Variants in ADGRE5 observed in about 807,000 individuals in gnomAD.
The protein encoded by ADGRE5 is adhesion G protein-coupled receptor E5.
A neutral mutation model predicts 100.3 loss-of-function variants in ADGRE5; 72 were observed. The observed-to-expected ratio is 0.72, with a 90% CI of 0.59 to 0.87. The LOEUF (loss-of-function observed/expected upper bound fraction) is 0.87. Ranked by LOEUF, ADGRE5 falls within the 40% of genes least tolerant of loss-of-function variation. ADGRE5 has a pLI of 0.00. For missense variants in ADGRE5, 959 were observed against 1,094.7 expected (o/e 0.88, Z 1.75); for synonymous variants, 439 against 447.8 (o/e 0.98, Z 0.25).
chr19:14,402,864 T>TCTCTGCTCA lies in ADGRE5; in HGVS notation c.1449+14_1449+22dup, dbSNP rs750249643. On this transcript the variant is annotated splice_region_variant and intron_variant, in intron 12 of 19. Transcript: ENST00000242786. ...GCGGGAAGAGACCCTCCTGCCAAGGTCTCTGCTCACTCTGCTCACTTCCTC... is the reference window on the plus strand; with the variant it reads ...GCGGGAAGAGACCCTCCTGCCAAGGTCTCTGCTCACTCTGCTCACTCTGCTCACTTCCTC... The TCTCTGCTCA allele has an allele frequency of 1.2e-6, 2 of 1,613,620 alleles. No individual in the cohort carries two copies. Among genetic ancestry groups the TCTCTGCTCA allele is most frequent in the South Asian group, 1.1e-5 (1 of 91,048 alleles).
intron 1 of ADGRE5, among the ~76,000 whole-genome samples, chr19:14,383,747 C>A (rs1253413931): frequency 6.6e-6 from 1 of 151,684 alleles, no homozygotes; most frequent in African/African-American, 2.4e-5. Context: ...TGGGCAACTT[C>A]CAAGGCCCCA....
In ADGRE5 at chr19:14,401,275, C is replaced by T. The variant is rs1975997313; in HGVS notation, c.898-111C>T. 3 of 847,192 alleles carry T rather than the reference C, an allele frequency of 3.5e-6. No individual in the cohort carries two copies. In the Admixed American group the frequency reaches 8.2e-5, roughly 23 times the overall value. 52.5% of individuals were successfully genotyped at this position (847,192 alleles called of 1,614,324 possible). On this transcript the variant is annotated intron_variant, in intron 9 of 19. Coordinates refer to ENST00000242786, the MANE Select transcript of ADGRE5 (RefSeq NM_078481.4). The surrounding 1 kb of genome is among the most constrained non-coding windows in gnomAD (Gnocchi z 4.1). ...GTTACTGCATCATCTCAGTGATTCC[C>T]TTGTGCCTGTGGGTCTCCAGTGTGT... is the stretch of plus-strand genomic sequence containing the variant.
In ADGRE5 at chr19:14,406,558, G is replaced by C; in HGVS notation, c.2048+1G>C. 2 of 1,598,256 alleles carry C rather than the reference G, an allele frequency of 1.3e-6. No individual in the cohort carries two copies. Among genetic ancestry groups the C allele is most frequent in the Non-Finnish European group, 1.7e-6 (2 of 1,172,966 alleles). ...GCAAGGGCTACGGCCGCCCCAGATA[G>C]TGAGTGCAGCGAGATGGGGCAGGAG... On this transcript the variant is annotated splice_donor_variant, in intron 15 of 19. Coordinates refer to ENST00000242786, the MANE Select transcript of ADGRE5 (RefSeq NM_078481.4). LOFTEE classifies it high-confidence loss of function. The surrounding 1 kb of genome is among the most constrained non-coding windows in gnomAD (Gnocchi z 6.0).
intron 1 of ADGRE5, among the ~76,000 whole-genome samples, chr19:14,384,194 T>G (rs1485238686): frequency 6.6e-6 from 1 of 151,914 alleles, no homozygotes; most frequent in African/African-American, 2.4e-5. Context: ...AGTACGGGCT[T>G]GGGCTGGGGG....
In ADGRE5 at chr19:14,406,206, T is replaced by C; in HGVS notation, c.1822-125T>C. The C allele has an allele frequency of 1.2e-6, 1 of 823,592 alleles. No individual in the cohort carries two copies. Among genetic ancestry groups the C allele is most frequent in the Non-Finnish European group, 1.9e-6 (1 of 539,716 alleles). The allele number at this position is 823,592 out of a possible 1,614,324, so 51.0% of individuals were successfully genotyped here. ...CCCTGGGGGGAAACCTGGCCCCCGC[T>C]CCAGACCCGCCCACCCTCCGGCTGT... On this transcript the variant is annotated intron_variant, in intron 14 of 19. Coordinates refer to ENST00000242786, the MANE Select transcript of ADGRE5 (RefSeq NM_078481.4). The surrounding 1 kb of genome is among the most constrained non-coding windows in gnomAD (Gnocchi z 6.0).
intron 1 of ADGRE5, among the ~76,000 whole-genome samples, chr19:14,387,451 G>A (rs987863851): frequency 2.0e-5 from 3 of 152,126 alleles, no homozygotes; most frequent in Non-Finnish European, 4.4e-5. Context: ...TTTTTAGGCC[G>A]GCCACAGTGG....
In ADGRE5 at chr19:14,407,162, T is replaced by A; in HGVS notation, c.2309T>A (p.Val770Glu). The A allele has an allele frequency of 6.2e-7, 1 of 1,614,142 alleles. No individual in the cohort carries two copies. Among genetic ancestry groups the A allele is most frequent in the Non-Finnish European group, 8.5e-7 (1 of 1,180,036 alleles). ...GATCGGAGCTTGGTGCTGACCTATG[T>A]GTTTACCATCCTCAACTGCCTGCAG... ...FDDRSLVLTY[V>E]FTILNCLQGA... is the part of the protein sequence containing the mutation. The change falls in exon 18 of 20, where the codon GTG becomes GAG. Residue 770 changes from valine to glutamate, a missense_variant. Physicochemically the swap from Val to Glu is moderately radical, Grantham distance 121. Coordinates refer to ENST00000242786, the MANE Select transcript of ADGRE5 (RefSeq NM_078481.4).
chr19:14,405,583 C>T, intron 13 of ADGRE5, 165 bp from the exon 14 acceptor site: 1 of 603,552 alleles, frequency 1.7e-6, no homozygotes, highest in African/African-American at 1.9e-5. Flanking sequence ...AATGTGAAAT[C>T]CCTAGACTCC....
chr19:14,387,354 G>A lies in ADGRE5; in HGVS notation c.23-1096G>A, dbSNP rs144511706. Among the ~76,000 whole-genome samples, 227 of 152,250 alleles carry A rather than the reference G, an allele frequency of 1.5e-3. 1 individual carries two copies. The highest frequency in any genetic ancestry group is 5.0e-3 in the African/African-American group (207 of 41,544). The stretch of plus-strand genomic sequence containing the variant: ...CCTCAAGCCGAGCTCGGGAGGCTGA[G>A]GCGGGGAGGATCGCTTGAGGCCAGG... On this transcript the variant is annotated intron_variant, in intron 1 of 19. Transcript: ENST00000242786.
At chr19:14,396,914 C>G (rs1030417756) in intron 5 of ADGRE5, among the ~76,000 whole-genome samples, 163 bp from the exon 6 acceptor site, 1 of 152,130 alleles carries the variant, frequency 6.6e-6, no homozygotes, top group Admixed American at 6.5e-5. Context: ...GGAAGACCAT[C>G]ATAAGATGCT....
Position 14,401,275 on chromosome 19 carries a change from C to A in ADGRE5, c.898-111C>A. ...GTTACTGCATCATCTCAGTGATTCC[C>A]TTGTGCCTGTGGGTCTCCAGTGTGT... On this transcript the variant is annotated intron_variant, in intron 9 of 19. Transcript: ENST00000242786. The surrounding 1 kb of genome is among the most constrained non-coding windows in gnomAD (Gnocchi z 4.1). 1.2e-6 allele frequency: 1 copy of A among 847,192 alleles called. No individual in the cohort carries two copies. The highest frequency in any genetic ancestry group is 1.8e-6 in the Non-Finnish European group (1 of 548,302). 52.5% of individuals were successfully genotyped at this position (847,192 alleles called of 1,614,324 possible). A position where few individuals can be genotyped will look rare whatever the true frequency, so the allele number is the denominator to read the frequency against.
chr19:14,407,060 G>C lies in ADGRE5; in HGVS notation c.2208-1G>C, dbSNP rs1404163304. The C allele has an allele frequency of 6.2e-7, 1 of 1,613,928 alleles. No homozygotes were observed. Among genetic ancestry groups the C allele is most frequent in the East Asian group, 2.2e-5 (1 of 44,896 alleles). On this transcript the variant is annotated splice_acceptor_variant, in intron 17 of 19. Coordinates refer to ENST00000242786, the MANE Select transcript of ADGRE5 (RefSeq NM_078481.4). LOFTEE classifies it high-confidence loss of function. The stretch of plus-strand genomic sequence containing the variant: ...CCACGCTGCAACCCCGCTCCTCGCA[G>C]GGCGCTGACCATCACGGCCATCGCG...
chr19:14,403,895 A>C (rs540691402), intron 12 of ADGRE5, among the ~76,000 whole-genome samples: 27 of 47,630 alleles, frequency 5.7e-4, no homozygotes, highest in Non-Finnish European at 9.2e-4. Flanking sequence ...TTTTTTTTTG[A>C]GATGGAGTTT....
At chr19:14,404,343 C>CTCCA in intron 12 of ADGRE5, 40 bp from the exon 13 acceptor site, 1 of 1,580,046 alleles carries the variant, frequency 6.3e-7, no homozygotes, top group Non-Finnish European at 8.6e-7. Context: ...TAAGAGTGAG[C>CTCCA]TCCAGGCCAA....
rs1451165823 is a variant in ADGRE5, at chr19:14,406,451, C to T, written c.1942C>T (p.Gln648Ter). Residue 648 changes from glutamine to a stop codon, truncating the protein, a stop_gained, in exon 15 of 20, where the codon CAG becomes TAG. Coordinates refer to ENST00000242786, the MANE Select transcript of ADGRE5 (RefSeq NM_078481.4). LOFTEE classifies it high-confidence loss of function. This position sits in a 1 kb window ranked among gnomAD's most constrained non-coding sequence, Gnocchi z 6.0. ...YFLVVRVFQG[Q>*]GLSTRWLCLI... ...TCTTGTGGTGCGCGTGTTCCAAGGC[C>T]AGGGCCTGAGTACGCGCTGGCTCTG... 7 of 1,579,872 alleles carry T rather than the reference C, an allele frequency of 4.4e-6. No homozygotes were observed. Among genetic ancestry groups the T allele is most frequent in the Non-Finnish European group, 8.6e-7 (1 of 1,163,106 alleles).
Position 14,397,705 on chromosome 19 carries a change from G to A in ADGRE5, c.673G>A (p.Val225Ile), listed in dbSNP as rs375872269. Reference protein sequence around the residue: ...SGQHQCDSSTVCFNTVGSYSC... With the variant: ...SGQHQCDSSTICFNTVGSYSC... ...GCAGCATCAGTGTGACAGCTCCACC[G>A]TCTGCTTCAACACCGTGGGTTCATA... Residue 225 changes from valine to isoleucine, a missense_variant, in exon 7 of 20, where the codon GTC becomes ATC. Val to Ile is a conservative substitution (Grantham distance 29). Around this residue, in one of 6 missense-constraint regions of ADGRE5, gnomAD observed 69 missense variants for 135.0 expected, o/e 0.51. Transcript: ENST00000242786. The A allele has an allele frequency of 4.5e-5, 69 of 1,516,944 alleles. No homozygotes were observed. Among genetic ancestry groups the A allele is most frequent in the African/African-American group, 5.9e-5 (4 of 68,368 alleles). The allele number at this position is 1,516,944 out of a possible 1,614,324, so 94.0% of individuals were successfully genotyped here. A position where few individuals can be genotyped will look rare whatever the true frequency, so the allele number is the denominator to read the frequency against.
intron 12 of ADGRE5, among the ~76,000 whole-genome samples, chr19:14,403,321 C>T (rs1210506136): frequency 6.6e-6 from 1 of 151,508 alleles, no homozygotes; most frequent in Non-Finnish European, 1.5e-5. Context: ...CGATTACAGG[C>T]GTGAGCCACC....
At chr19:14,398,212 G>A in intron 9 of ADGRE5, 73 bp downstream of exon 9, 1 of 1,445,518 alleles carries the variant, frequency 6.9e-7, no homozygotes. Flanking sequence ...TGGCCAGAGA[G>A]AGTGCCCAAC....
chr19:14,401,855 G>T lies in ADGRE5; in HGVS notation c.1183+95G>T, dbSNP rs1305719266. On this transcript the variant is annotated intron_variant, in intron 11 of 19. Transcript: ENST00000242786. This position sits in a 1 kb window ranked among gnomAD's most constrained non-coding sequence, Gnocchi z 4.1. ...GGTTCAGAATAGAACAACTGACTGG[G>T]CGCGGTGGCTCACGCCTGCAATCCC... 1.2e-6 allele frequency: 1 copy of T among 821,300 alleles called. No individual in the cohort carries two copies. The highest frequency in any genetic ancestry group is 1.8e-6 in the Non-Finnish European group (1 of 555,444). 50.9% of individuals were successfully genotyped at this position (821,300 alleles called of 1,614,324 possible).
Sources: gnomAD v4.1 joint callset for allele counts (sites outside exome capture counted in the v4.1 genomes callset) on GRCh38, gnomAD v4.1.1 for gene constraint, gnomAD v4.1.1 regional missense constraint, Gnocchi (gnomAD v3.1) non-coding constraint, MANE v1.5 for transcripts, NCBI Gene and HGNC (gene_info 2026-07-23, HGNC 2026-07-21) for gene names.